Variants in MAP3K21 observed in about 807,000 individuals in gnomAD.
The protein encoded by MAP3K21 is mitogen-activated protein kinase kinase kinase MLK4.
In MAP3K21, 63 loss-of-function variants were observed where a neutral mutation model predicts 86.1. The ratio of observed to expected loss-of-function variants is 0.73; its 90% CI spans 0.60 to 0.90. The LOEUF is 0.90. MAP3K21 is among the 40% of genes least tolerant of loss of function. The pLI is 0.00. For missense variants in MAP3K21, 1,220 were observed against 1,367.7 expected (o/e 0.89, Z 1.70); for synonymous variants, 558 against 564.8 (o/e 0.99, Z 0.17).
At position 233,378,992 on chromosome 1, in the gene MAP3K21, A is replaced by G; in HGVS notation, c.1986A>G (p.Ile662Met). 1 of 1,614,172 alleles carries G rather than the reference A, an allele frequency of 6.2e-7. No homozygotes were observed. Among genetic ancestry groups the G allele is most frequent in the Non-Finnish European group, 8.5e-7 (1 of 1,180,018 alleles). The change falls in exon 9 of 10, where the codon ATA becomes ATG. Residue 662 changes from isoleucine to methionine, a missense_variant. Physicochemically the swap from Ile to Met is conservative, Grantham distance 10. Coordinates refer to ENST00000366624, the MANE Select transcript of MAP3K21 (RefSeq NM_032435.3). ...DGLEHRKPKQ[I>M]KLPSQAYIDL... ...TAGAACACAGAAAACCAAAACAAAT[A>G]AAATTGCCTAGTCAGGCCTACATTG...
chr1:233,354,825 G>C lies in MAP3K21; in HGVS notation c.1136-11G>C, dbSNP rs561925477. The C allele has an allele frequency of 7.3e-6, 11 of 1,512,280 alleles. No homozygotes were observed. The South Asian group carries it at 1.3e-4, about 18-fold the overall frequency. The allele number at this position is 1,512,280 out of a possible 1,614,324, so 93.7% of individuals were successfully genotyped here. A position where few individuals can be genotyped will look rare whatever the true frequency, so the allele number is the denominator to read the frequency against. Reference sequence around the variant, plus strand: ...GAGAGATGGTATTAATGTGATTTTTGTTTATTTTAGAATGCTGGCAACAAG... The same window carrying C: ...GAGAGATGGTATTAATGTGATTTTTCTTTATTTTAGAATGCTGGCAACAAG... On this transcript the variant is annotated splice_polypyrimidine_tract_variant and intron_variant, in intron 3 of 9. Transcript: ENST00000366624.
Position 233,382,289 on chromosome 1 carries a change from T to C in MAP3K21, c.2705-16T>C, listed in dbSNP as rs1663932014. 1 of 1,601,072 alleles carries C rather than the reference T, an allele frequency of 6.2e-7. No homozygotes were observed. The highest frequency in any genetic ancestry group is 1.7e-5 in the Admixed American group (1 of 59,286). On this transcript the variant is annotated splice_polypyrimidine_tract_variant and intron_variant, in intron 9 of 9. Transcript: ENST00000366624. The stretch of plus-strand genomic sequence containing the variant: ...TTTTCTTTCTAACTGCATACTGTTT[T>C]GGCTTTCTCAACCAGCTGGTGCAAC...
intron 8 of MAP3K21, among the ~76,000 whole-genome samples, chr1:233,378,131 T>C (rs1055169887): frequency 3.3e-5 from 5 of 152,338 alleles, no homozygotes; most frequent in African/African-American, 1.2e-4. Context: ...GTCTAGATCA[T>C]CAAGCATGTT....
In MAP3K21 at chr1:233,372,112, A is replaced by G. The variant is rs1004308597; in HGVS notation, c.1627A>G (p.Ser543Gly). Residue 543 changes from serine to glycine, a missense_variant, in exon 6 of 10, where the codon AGT becomes GGT. By Grantham distance (56) the Ser-to-Gly change is moderately conservative (BLOSUM62 0). Transcript: ENST00000366624. ...GCGGAGCCTGAACAGCAGCAGTTCC[A>G]GTCCCCCGAGCAGCCCCACAATGAT... Reference protein sequence around the residue: ...KRRSLNSSSSSPPSSPTMMPR... With the variant: ...KRRSLNSSSSGPPSSPTMMPR... 2.0e-5 allele frequency: 33 copies of G among 1,614,028 alleles called. No individual in the cohort carries two copies. Among genetic ancestry groups the G allele is most frequent in the Non-Finnish European group, 2.6e-5 (31 of 1,180,006 alleles).
intron 4 of MAP3K21, among the ~76,000 whole-genome samples, chr1:233,360,855 C>T (rs189285379): frequency 6.6e-5 from 10 of 152,082 alleles, no homozygotes; most frequent in African/African-American, 2.4e-4. Flanking sequence ...TAAAGTGTGG[C>T]CTGTTTATAT....
intron 5 of MAP3K21, among the ~76,000 whole-genome samples, chr1:233,364,782 T>A (rs1030940073): frequency 2.6e-5 from 4 of 152,186 alleles, no homozygotes; most frequent in Admixed American, 6.5e-5. Flanking sequence ...AATGAAAGAT[T>A]CCAGTTAAAA....
In MAP3K21 at chr1:233,382,693, G is replaced by C. The variant is rs369496903; in HGVS notation, c.3093G>C (p.Glu1031Asp). 1 of 1,612,382 alleles carries C rather than the reference G, an allele frequency of 6.2e-7. No individual in the cohort carries two copies. Among genetic ancestry groups the C allele is most frequent in the Non-Finnish European group, 8.5e-7 (1 of 1,178,910 alleles). Residue 1031 changes from glutamate (E) to aspartate (D), a missense_variant, in exon 10 of 10, where the codon GAG becomes GAC. Coordinates refer to ENST00000366624, the MANE Select transcript of MAP3K21 (RefSeq NM_032435.3). ...GCCGGCCATCTATATATGAACTGGA[G>C]AAAGAATTCCTGTCTTAAACTAAGT... ...KTSRPSIYEL[E>D]KEFLS
chr1:233,376,641 C>T, intron 8 of MAP3K21, 114 bp downstream of exon 8: 2 of 626,784 alleles, frequency 3.2e-6, no homozygotes, highest in South Asian at 4.4e-5. Context: ...GGGAGATTAG[C>T]AAGTAATGGC....
rs777753852 is a variant in MAP3K21, at chr1:233,355,022, T to A, written c.1311+11T>A. The A allele has an allele frequency of 6.3e-7, 1 of 1,597,306 alleles. No individual in the cohort carries two copies. The highest frequency in any genetic ancestry group is 2.2e-5 in the East Asian group (1 of 44,624). On this transcript the variant is annotated intron_variant, in intron 4 of 9. Transcript: ENST00000366624. ...AGAACAAAGGAAAAGGTGAGAGAAA[T>A]TTTTAAACAGCATAATGTACTCAAA...
chr1:233,341,592 A>G lies in MAP3K21; in HGVS notation c.806-4850A>G, dbSNP rs1663040737. 2.0e-5 allele frequency among the ~76,000 whole-genome samples: 3 copies of G among 152,146 alleles called. No individual in the cohort carries two copies. In the South Asian group the frequency reaches 6.2e-4, roughly 32 times the overall value. Reference sequence around the variant, plus strand: ...TGTCAGAACCAAGTCTGCTAATATCATACGCTGCCATCCGTTTATTTGGGA... The same window carrying G: ...TGTCAGAACCAAGTCTGCTAATATCGTACGCTGCCATCCGTTTATTTGGGA... On this transcript the variant is annotated intron_variant, in intron 1 of 9. Transcript: ENST00000366624.
intron 2 of MAP3K21, among the ~76,000 whole-genome samples, chr1:233,348,599 T>A (rs1663191853): frequency 6.6e-6 from 1 of 152,202 alleles, no homozygotes; most frequent in African/African-American, 2.4e-5. Flanking sequence ...ACCTTCTTTT[T>A]TTTTATTCCC....
intron 1 of MAP3K21, among the ~76,000 whole-genome samples, chr1:233,329,194 C>T (rs977084741): frequency 6.6e-6 from 1 of 152,148 alleles, no homozygotes. Flanking sequence ...AGGCCTTCTG[C>T]AGATTATATG....
At chr1:233,382,096 G>A (rs1166774597) in intron 9 of MAP3K21, among the ~76,000 whole-genome samples, 4 of 152,192 alleles carry the variant, frequency 2.6e-5, no homozygotes, top group African/African-American at 9.7e-5. Flanking sequence ...AGCTACTCTA[G>A]AGGCTAAGGC....
intron 2 of MAP3K21, among the ~76,000 whole-genome samples, chr1:233,350,028 G>A (rs1489940901): frequency 1.3e-5 from 2 of 151,900 alleles, no homozygotes; most frequent in East Asian, 1.9e-4. Context: ...TTTCACCTGA[G>A]GTTTTTTCCC....
At chr1:233,372,350 A>T in intron 6 of MAP3K21, 190 bp downstream of exon 6, 2 of 620,662 alleles carry the variant, frequency 3.2e-6, no homozygotes, top group Non-Finnish European at 5.1e-6. Flanking sequence ...TTCTACTCAC[A>T]AAAAATGAAT....
At chr1:233,340,149 AG>A (rs1663012769) in intron 1 of MAP3K21, among the ~76,000 whole-genome samples, 1 of 152,210 alleles carries the variant, frequency 6.6e-6, no homozygotes, top group Non-Finnish European at 1.5e-5. Context: ...GAAGTAGCTG[AG>A]GTTAGGCAAA....
At chr1:233,350,901 T>C (rs1359189512) in intron 2 of MAP3K21, among the ~76,000 whole-genome samples, 1 of 152,204 alleles carries the variant, frequency 6.6e-6, no homozygotes, top group Non-Finnish European at 1.5e-5. Context: ...ACTTTAGAAG[T>C]AGTTCCATTG....
rs138311496 is a variant in MAP3K21, at chr1:233,382,283, C to A, written c.2705-22C>A. The A allele has an allele frequency of 2.9e-5, 46 of 1,588,260 alleles. No individual in the cohort carries two copies. The East Asian group carries it at 9.9e-4, about 34-fold the overall frequency. On this transcript the variant is annotated intron_variant, in intron 9 of 9. Coordinates refer to ENST00000366624, the MANE Select transcript of MAP3K21 (RefSeq NM_032435.3). ...AACTCATTTTCTTTCTAACTGCATA[C>A]TGTTTTGGCTTTCTCAACCAGCTGG...
chr1:233,370,408 C>A (rs1265039419), intron 5 of MAP3K21, among the ~76,000 whole-genome samples: 1 of 152,156 alleles, frequency 6.6e-6, no homozygotes, highest in East Asian at 1.9e-4. Context: ...ATAAATTTCT[C>A]TACTGCAGAA....
Sources: gnomAD v4.1 joint callset for allele counts (sites outside exome capture counted in the v4.1 genomes callset) on GRCh38, gnomAD v4.1.1 for gene constraint, MANE v1.5 for transcripts, NCBI Gene and HGNC (gene_info 2026-07-23, HGNC 2026-07-21) for gene names.